GHR: variants seen among roughly 807,000 people sequenced by gnomAD.
GHR encodes growth hormone receptor.
Under a neutral mutation model 67.1 loss-of-function variants are expected in GHR, and 35 were observed. That is an observed-to-expected ratio of 0.52 (90% CI 0.40 to 0.69). The LOEUF is 0.69. Ranked by LOEUF, GHR falls within the 30% of genes least tolerant of loss-of-function variation. The probability of loss-of-function intolerance (pLI) is 0.00; values close to 1 mark genes in which losing one functional copy is unlikely to be tolerated. For synonymous variants in GHR, 272 were observed against 269.1 expected (o/e 1.01, Z -0.10); for missense variants, 792 against 764.6 (o/e 1.04, Z -0.42).
At chr5:42,530,995 G>A (rs905998310) in intron 1 of GHR, among the ~76,000 whole-genome samples, 1 of 152,166 alleles carries the variant, frequency 6.6e-6, no homozygotes, top group Non-Finnish European at 1.5e-5. Flanking sequence ...TTGGCTGGGC[G>A]CAGTGGCTCA....
At chr5:42,547,985 C>G (rs1427457594) in intron 1 of GHR, 5 of 522,476 alleles carry the variant, frequency 9.6e-6, no homozygotes, top group Non-Finnish European at 1.2e-5. Flanking sequence ...ATTCAGATAC[C>G]CTATCACTGC....
At chr5:42,672,631 T>C (rs915885192) in intron 3 of GHR, among the ~76,000 whole-genome samples, 3 of 152,134 alleles carry the variant, frequency 2.0e-5, no homozygotes, top group Admixed American at 2.0e-4. Context: ...GACCCCTACC[T>C]TTCACCATAT....
chr5:42,611,386 T>C (rs1181360560), intron 2 of GHR, among the ~76,000 whole-genome samples: 2 of 152,136 alleles, frequency 1.3e-5, no homozygotes, highest in Non-Finnish European at 2.9e-5. Context: ...ATCCTGTATT[T>C]CAATTCATTT....
intron 3 of GHR, among the ~76,000 whole-genome samples, chr5:42,686,832 G>T (rs1757173082): frequency 6.6e-6 from 1 of 152,116 alleles, no homozygotes. Flanking sequence ...GGCGAGGGCA[G>T]TCAGGCAAGA....
chr5:42,705,818 A>C (rs563517814), intron 6 of GHR, among the ~76,000 whole-genome samples: 1 of 151,930 alleles, frequency 6.6e-6, no homozygotes, highest in African/African-American at 2.4e-5. Flanking sequence ...TCTTTATTCC[A>C]TGTCTTTGCT....
intron 3 of GHR, among the ~76,000 whole-genome samples, chr5:42,679,978 T>C (rs1410200447): frequency 6.6e-6 from 1 of 152,194 alleles, no homozygotes; most frequent in Non-Finnish European, 1.5e-5. Context: ...TCATCAAACC[T>C]TTGAAGATCA....
In GHR at chr5:42,718,615, C is replaced by A; in HGVS notation, c.1108C>A (p.His370Asn). 6.2e-7 allele frequency: 1 copy of A among 1,613,668 alleles called. No individual in the cohort carries two copies. Among genetic ancestry groups the A allele is most frequent in the East Asian group, 2.2e-5 (1 of 44,882 alleles). Residue 370 changes from histidine (H) to asparagine (N), a missense_variant, in exon 10 of 10, where the codon CAT becomes AAT. Physicochemically the swap from His to Asn is moderately conservative, Grantham distance 68. Coordinates refer to ENST00000230882, the MANE Select transcript of GHR (RefSeq NM_000163.5). The part of the protein sequence containing the change: ...SDTDRLLSSD[H>N]EKSHSNLGVK... Reference sequence around the variant, plus strand: ...CACAGACAGACTTCTAAGCAGTGACCATGAGAAATCACATAGTAACCTAGG... The same window carrying A: ...CACAGACAGACTTCTAAGCAGTGACAATGAGAAATCACATAGTAACCTAGG...
At chr5:42,462,293 C>G (rs1744518936) in intron 1 of GHR, among the ~76,000 whole-genome samples, 1 of 152,178 alleles carries the variant, frequency 6.6e-6, no homozygotes, top group Non-Finnish European at 1.5e-5. Flanking sequence ...AGCACAGACT[C>G]TCTGTGAGTC....
chr5:42,664,663 T>C (rs577317993), intron 3 of GHR, among the ~76,000 whole-genome samples: 5 of 152,156 alleles, frequency 3.3e-5, no homozygotes, highest in African/African-American at 9.6e-5. Flanking sequence ...CTAGGCATTA[T>C]CATTCAGGAC....
At chr5:42,660,879 A>G (rs1755569369) in intron 3 of GHR, among the ~76,000 whole-genome samples, 1 of 152,198 alleles carries the variant, frequency 6.6e-6, no homozygotes, top group South Asian at 2.1e-4. Context: ...AGAAGAATGT[A>G]TAACTAGAAT....
chr5:42,507,525 G>A (rs971685259), intron 1 of GHR, among the ~76,000 whole-genome samples: 1 of 152,184 alleles, frequency 6.6e-6, no homozygotes, highest in Admixed American at 6.5e-5. Flanking sequence ...TACACATGGT[G>A]GAATTCAAAA....
intron 2 of GHR, among the ~76,000 whole-genome samples, chr5:42,570,150 T>C (rs1271961582): frequency 6.6e-6 from 1 of 152,216 alleles, no homozygotes; most frequent in Non-Finnish European, 1.5e-5. Context: ...TGGTTTCAGT[T>C]AGTAAACAGT....
At chr5:42,662,363 C>A (rs1755689447) in intron 3 of GHR, among the ~76,000 whole-genome samples, 1 of 152,142 alleles carries the variant, frequency 6.6e-6, no homozygotes, top group South Asian at 2.1e-4. Flanking sequence ...AAGCAAAGCT[C>A]TCCTCAGCAA....
intron 1 of GHR, among the ~76,000 whole-genome samples, chr5:42,471,833 T>C (rs971787360): frequency 6.6e-6 from 1 of 152,164 alleles, no homozygotes; most frequent in Admixed American, 6.5e-5. Context: ...GGAACAACAA[T>C]ATTATCACTG....
At chr5:42,553,696 T>A (rs760426228) in intron 1 of GHR, among the ~76,000 whole-genome samples, 27 of 152,206 alleles carry the variant, frequency 1.8e-4, no homozygotes, top group Admixed American at 8.5e-4. Flanking sequence ...AGTGTTTGAA[T>A]AACCCAGGAT....
chr5:42,695,709 C>T (rs1258210000), intron 5 of GHR, among the ~76,000 whole-genome samples: 1 of 152,088 alleles, frequency 6.6e-6, no homozygotes, highest in East Asian at 1.9e-4. Context: ...ACAAATAAAA[C>T]AAACAATTGT....
intron 3 of GHR, among the ~76,000 whole-genome samples, chr5:42,681,892 C>T (rs1250550324): frequency 2.7e-5 from 4 of 145,780 alleles, no homozygotes; most frequent in Non-Finnish European, 4.5e-5. Flanking sequence ...GCCGAGATAG[C>T]GCCACTGCAG....
intron 6 of GHR, among the ~76,000 whole-genome samples, chr5:42,701,598 C>T (rs1757932647): frequency 6.6e-6 from 1 of 152,104 alleles, no homozygotes; most frequent in Admixed American, 6.5e-5. Context: ...AAGAATGAGG[C>T]AAGCTTGTCG....
intron 1 of GHR, among the ~76,000 whole-genome samples, chr5:42,528,755 C>G (rs1747819507): frequency 6.6e-6 from 1 of 152,112 alleles, no homozygotes; most frequent in Admixed American, 6.6e-5. Context: ...ATCAGTGTGT[C>G]AAACTTTACT....
Sources: allele counts gnomAD v4.1 joint callset (sites outside exome capture counted in the v4.1 genomes callset), GRCh38; gene constraint gnomAD v4.1.1; transcripts MANE v1.5; gene names NCBI Gene and HGNC (gene_info 2026-07-23, HGNC 2026-07-21).